The following GPM6A variants were observed in gnomAD, a reference collection of about 807,000 sequenced individuals.
The protein encoded by GPM6A is neuronal membrane glycoprotein M6-a.
Under a neutral mutation model 32.1 loss-of-function variants are expected in GPM6A, and 7 were observed. That is an observed-to-expected ratio of 0.22 (90% CI 0.12 to 0.41). The LOEUF is 0.41. GPM6A is among the 10% of genes least tolerant of loss of function. The pLI, the probability that GPM6A is intolerant of heterozygous loss-of-function variation, is 1.00. For synonymous variants in GPM6A, 130 were observed against 123.4 expected (o/e 1.05, Z -0.35); for missense variants, 235 against 347.2 (o/e 0.68, Z 2.57).
intron 1 of GPM6A, among the ~76,000 whole-genome samples, chr4:175,958,227 G>A (rs985780091): frequency 1.3e-5 from 2 of 152,198 alleles, no homozygotes; most frequent in Admixed American, 1.3e-4. Flanking sequence ...GGAGAGCATT[G>A]CCTATTTTGC....
intron 1 of GPM6A, among the ~76,000 whole-genome samples, chr4:175,751,805 G>A (rs1340224572): frequency 1.3e-5 from 2 of 151,878 alleles, no homozygotes; most frequent in African/African-American, 4.8e-5. Flanking sequence ...ACAATTCAAG[G>A]AAAATGAAAT....
At chr4:175,938,741 A>C (rs956699900) in intron 1 of GPM6A, among the ~76,000 whole-genome samples, 3 of 151,680 alleles carry the variant, frequency 2.0e-5, no homozygotes, top group African/African-American at 7.3e-5. Context: ...TAAAACCAAA[A>C]AAAAAAAAGA....
chr4:175,979,144 G>A (rs763463226), intron 1 of GPM6A, among the ~76,000 whole-genome samples: 9 of 152,098 alleles, frequency 5.9e-5, no homozygotes, highest in Non-Finnish European at 1.2e-4. Flanking sequence ...CCACAACAAT[G>A]TAAAGACTGA....
chr4:175,675,498 G>A (rs1411638542), intron 2 of GPM6A, among the ~76,000 whole-genome samples: 1 of 152,110 alleles, frequency 6.6e-6, no homozygotes, highest in Non-Finnish European at 1.5e-5. Flanking sequence ...ACTTGTTGAT[G>A]TTAAATATTT....
intron 1 of GPM6A, among the ~76,000 whole-genome samples, chr4:175,875,360 C>T (rs1203098350): frequency 6.6e-6 from 1 of 152,126 alleles, no homozygotes; most frequent in Non-Finnish European, 1.5e-5. Flanking sequence ...GTTTCTTTCA[C>T]CACTCTCCCC....
intron 4 of GPM6A, among the ~76,000 whole-genome samples, chr4:175,645,694 C>G (rs1741423580): frequency 6.6e-6 from 1 of 152,128 alleles, no homozygotes; most frequent in Non-Finnish European, 1.5e-5. Context: ...GCACTCCAGC[C>G]TGGGCGACAG....
chr4:175,676,013 G>T (rs570392704), intron 2 of GPM6A, among the ~76,000 whole-genome samples: 1 of 152,028 alleles, frequency 6.6e-6, no homozygotes, highest in South Asian at 2.1e-4. Context: ...TCATGGGGGC[G>T]GTTACCTCCA....
intron 1 of GPM6A, among the ~76,000 whole-genome samples, chr4:175,730,637 ATT>A (rs763257243): frequency 6.6e-6 from 1 of 150,642 alleles, no homozygotes; most frequent in Non-Finnish European, 1.5e-5. Context: ...CGCGCGGCTA[ATT>A]TTTTTTATAT....
intron 3 of GPM6A, among the ~76,000 whole-genome samples, chr4:175,662,729 A>T (rs918908369): frequency 1.3e-5 from 2 of 152,180 alleles, no homozygotes; most frequent in African/African-American, 4.8e-5. Context: ...CAATATACAG[A>T]TATATATCTA....
intron 1 of GPM6A, chr4:175,787,716 T>C: frequency 3.4e-6 from 2 of 582,366 alleles, no homozygotes; most frequent in South Asian, 1.2e-4. Flanking sequence ...CCTTTTGCTC[T>C]CACTTCTGAA....
intron 1 of GPM6A, among the ~76,000 whole-genome samples, chr4:175,997,712 G>T (rs1292047988): frequency 6.6e-6 from 1 of 152,108 alleles, no homozygotes; most frequent in East Asian, 1.9e-4. Context: ...ACAATACTGT[G>T]TGTCATTATT....
At chr4:175,787,712 G>T (rs1353340144) in intron 1 of GPM6A, 15 of 616,674 alleles carry the variant, frequency 2.4e-5, no homozygotes, top group Non-Finnish European at 2.9e-5. Context: ...TGTTCCTTTT[G>T]CTCTCACTTC....
intron 3 of GPM6A, among the ~76,000 whole-genome samples, chr4:175,667,809 A>AT (rs982658193): frequency 3.3e-5 from 5 of 152,026 alleles, no homozygotes; most frequent in Admixed American, 6.6e-5. Flanking sequence ...GAATATACAA[A>AT]TTTTTTTTAA....
intron 1 of GPM6A, among the ~76,000 whole-genome samples, chr4:175,719,870 T>C (rs920872116): frequency 6.6e-6 from 1 of 152,210 alleles, no homozygotes; most frequent in Non-Finnish European, 1.5e-5. Context: ...TTAAAGCAGC[T>C]ACTGGCATAT....
At chr4:175,702,435 T>A (rs1744932427) in intron 1 of GPM6A, among the ~76,000 whole-genome samples, 1 of 152,214 alleles carries the variant, frequency 6.6e-6, no homozygotes, top group Non-Finnish European at 1.5e-5. Flanking sequence ...TTTACGTAAG[T>A]GTGTTTTTGT....
At chr4:175,646,034 A>G (rs1396368569) in intron 4 of GPM6A, among the ~76,000 whole-genome samples, 1 of 151,362 alleles carries the variant, frequency 6.6e-6, no homozygotes, top group African/African-American at 2.4e-5. Flanking sequence ...CCTCTGAATG[A>G]CTCCTCTCCT....
intron 1 of GPM6A, among the ~76,000 whole-genome samples, chr4:175,992,924 T>A (rs1741195057): frequency 6.6e-6 from 1 of 152,196 alleles, no homozygotes; most frequent in Non-Finnish European, 1.5e-5. Context: ...GTTTAACTTT[T>A]AAAGTTATAT....
At chr4:175,702,740 C>T (rs1313487076) in intron 1 of GPM6A, among the ~76,000 whole-genome samples, 2 of 152,160 alleles carry the variant, frequency 1.3e-5, no homozygotes, top group African/African-American at 2.4e-5. Context: ...TGGTCTCGAA[C>T]TCTTGACCTC....
chr4:175,817,457 T>C (rs1735143701), intron 1 of GPM6A, among the ~76,000 whole-genome samples: 1 of 152,236 alleles, frequency 6.6e-6, no homozygotes, highest in Admixed American at 6.5e-5. Context: ...ATCACAACGC[T>C]GAATGACAAG....
Sources: gnomAD v4.1 joint callset for allele counts (sites outside exome capture counted in the v4.1 genomes callset) on GRCh38, gnomAD v4.1.1 for gene constraint, MANE v1.5 for transcripts, NCBI Gene and HGNC (gene_info 2026-07-23, HGNC 2026-07-21) for gene names.